The following LPP variants were observed in gnomAD, a reference collection of about 807,000 sequenced individuals.
LPP encodes the protein lipoma-preferred partner.
Under a neutral mutation model 60.4 loss-of-function variants are expected in LPP, and 38 were observed. The ratio of observed to expected loss-of-function variants is 0.63; its 90% CI spans 0.49 to 0.83. The LOEUF is 0.83. LPP is among the 40% of genes least tolerant of loss of function. The pLI, the probability that LPP is intolerant of heterozygous loss-of-function variation, is 0.00. For missense variants in LPP, 902 were observed against 783.6 expected (o/e 1.15, Z -1.80); for synonymous variants, 328 against 290.8 (o/e 1.13, Z -1.30).
chr3:188,736,463 A>C (rs1560134293), intron 8 of LPP, among the ~76,000 whole-genome samples: 1 of 152,184 alleles, frequency 6.6e-6, no homozygotes, highest in Non-Finnish European at 1.5e-5. Context: ...GTATGAAAAG[A>C]AAATTTAAAT....
At chr3:188,298,650 G>A (rs1748721049) in intron 2 of LPP, among the ~76,000 whole-genome samples, 1 of 152,146 alleles carries the variant, frequency 6.6e-6, no homozygotes, top group Admixed American at 6.5e-5. Context: ...TTTCTGAAAA[G>A]ACATTTAATC....
intron 8 of LPP, among the ~76,000 whole-genome samples, chr3:188,731,743 C>T (rs974491904): frequency 6.6e-6 from 1 of 152,016 alleles, no homozygotes; most frequent in African/African-American, 2.4e-5. Flanking sequence ...AGGCTGATCT[C>T]GAACTCCTGA....
At chr3:188,303,111 G>GT (rs1223106212) in intron 2 of LPP, among the ~76,000 whole-genome samples, 2 of 152,166 alleles carry the variant, frequency 1.3e-5, no homozygotes, top group African/African-American at 4.8e-5. Flanking sequence ...AACTTTTTCT[G>GT]TAAAGGGACA....
intron 2 of LPP, chr3:188,239,829 T>C (rs73059614): frequency 0.013 from 2,849 of 214,614 alleles, 76 homozygotes; most frequent in African/African-American, 0.057. Context: ...ATCTGGCAGG[T>C]CCTATGTAAA....
intron 5 of LPP, among the ~76,000 whole-genome samples, chr3:188,488,092 G>T (rs1807144400): frequency 6.6e-6 from 1 of 151,204 alleles, no homozygotes; most frequent in African/African-American, 2.4e-5. Flanking sequence ...TCTGACAGAG[G>T]TCTTATTGAA....
intron 6 of LPP, among the ~76,000 whole-genome samples, chr3:188,541,835 TG>T (rs1311584470): frequency 5.3e-5 from 8 of 151,970 alleles, no homozygotes; most frequent in African/African-American, 1.9e-4. Flanking sequence ...AGGTGGATGT[TG>T]CAGTGGGCCG....
chr3:188,851,292 T>C (rs1231025865), intron 9 of LPP, among the ~76,000 whole-genome samples: 1 of 152,212 alleles, frequency 6.6e-6, no homozygotes, highest in Non-Finnish European at 1.5e-5. Context: ...AATTAAATAA[T>C]TTGTCTTTAT....
chr3:188,413,310 GGA>G (rs1578710487), intron 4 of LPP, among the ~76,000 whole-genome samples: 1 of 152,100 alleles, frequency 6.6e-6, no homozygotes, highest in South Asian at 2.1e-4. Flanking sequence ...CTCTGACTTT[GGA>G]GATACAAATG....
intron 7 of LPP, among the ~76,000 whole-genome samples, chr3:188,631,296 T>C (rs1847811859): frequency 6.6e-6 from 1 of 152,234 alleles, no homozygotes; most frequent in South Asian, 2.1e-4. Flanking sequence ...CTGCCTTTAA[T>C]CTGCACAACT....
At chr3:188,488,896 CA>C (rs1807459561) in intron 5 of LPP, among the ~76,000 whole-genome samples, 1 of 152,244 alleles carries the variant, frequency 6.6e-6, no homozygotes, top group East Asian at 1.9e-4. Context: ...CTTGGCCTCC[CA>C]AAGTGCTGGG....
chr3:188,483,776 T>C (rs887379733), intron 4 of LPP, among the ~76,000 whole-genome samples: 1 of 152,182 alleles, frequency 6.6e-6, no homozygotes, highest in African/African-American at 2.4e-5. Flanking sequence ...GATTTCTAAA[T>C]TGGGTGTTTC....
intron 2 of LPP, among the ~76,000 whole-genome samples, chr3:188,250,836 CTTTT>C (rs1321977861): frequency 7.5e-6 from 1 of 133,908 alleles, no homozygotes; most frequent in Non-Finnish European, 1.6e-5. Flanking sequence ...TTCTTTCTTT[CTTTT>C]CTTTTTCTCT....
chr3:188,305,006 A>G (rs1751061377), intron 2 of LPP, among the ~76,000 whole-genome samples: 1 of 152,176 alleles, frequency 6.6e-6, no homozygotes, highest in African/African-American at 2.4e-5. Flanking sequence ...AGACTGATAC[A>G]TTTCCTAGCT....
chr3:188,556,650 A>G (rs549396805), intron 6 of LPP, among the ~76,000 whole-genome samples: 1 of 151,884 alleles, frequency 6.6e-6, no homozygotes, highest in Admixed American at 6.6e-5. Flanking sequence ...CATTACATGA[A>G]TTAACCTCAT....
chr3:188,843,614 C>G (rs1016516682), intron 9 of LPP, among the ~76,000 whole-genome samples: 1 of 151,062 alleles, frequency 6.6e-6, no homozygotes, highest in African/African-American at 2.4e-5. Context: ...GGTGAAACCC[C>G]GTCTCTACTA....
intron 7 of LPP, among the ~76,000 whole-genome samples, chr3:188,611,628 T>C (rs1843735656): frequency 6.6e-6 from 1 of 152,236 alleles, no homozygotes; most frequent in African/African-American, 2.4e-5. Context: ...ACAGGGTGAC[T>C]GAAAGGATGG....
At chr3:188,457,737 A>ATATATAT (rs200234329) in intron 4 of LPP, among the ~76,000 whole-genome samples, 1 of 76,114 alleles carries the variant, frequency 1.3e-5, no homozygotes, top group Admixed American at 1.4e-4. Context: ...CTAAAAAAAA[A>ATATATAT]AAATATATAT....
At chr3:188,228,534 T>C (rs963508668) in intron 2 of LPP, among the ~76,000 whole-genome samples, 2 of 152,136 alleles carry the variant, frequency 1.3e-5, no homozygotes, top group African/African-American at 2.4e-5. Flanking sequence ...CTGTAATCCC[T>C]GTGCTTTGGG....
intron 3 of LPP, among the ~76,000 whole-genome samples, chr3:188,363,944 C>T (rs1363735966): frequency 1.3e-5 from 2 of 149,276 alleles, no homozygotes. Flanking sequence ...TGTACTTGTT[C>T]CTTTGGGCAA....
Sources: allele counts gnomAD v4.1 joint callset (sites outside exome capture counted in the v4.1 genomes callset), GRCh38; gene constraint gnomAD v4.1.1; transcripts MANE v1.5; gene names NCBI Gene and HGNC (gene_info 2026-07-23, HGNC 2026-07-21).